The following CBLB variants were observed in gnomAD, a reference collection of about 807,000 sequenced individuals.
CBLB encodes Cbl proto-oncogene B, also known as E3 ubiquitin-protein ligase CBL-B.
Under a neutral mutation model 104.9 loss-of-function variants are expected in CBLB, and 31 were observed. The observed-to-expected ratio is 0.30, with a 90% CI of 0.22 to 0.40. The LOEUF (loss-of-function observed/expected upper bound fraction) is 0.40. Among genes scored for constraint, CBLB ranks in the 10% least tolerant of loss-of-function variants. The probability of loss-of-function intolerance (pLI) is 1.00; values close to 1 mark genes in which losing one functional copy is unlikely to be tolerated. For synonymous variants in CBLB, 440 were observed against 422.6 expected (o/e 1.04, Z -0.51); for missense variants, 1,062 against 1,214.6 (o/e 0.87, Z 1.87).
Position 105,829,666 on chromosome 3 carries a change from C to CAAA in CBLB, c.419+23745_419+23747dup, listed in dbSNP as rs71627689. Among the ~76,000 whole-genome samples, 21 of 47,022 alleles carry CAAA rather than the reference C, an allele frequency of 4.5e-4. 1 individual carries two copies. Among genetic ancestry groups the CAAA allele is most frequent in the East Asian group, 2.6e-3 (3 of 1,140 alleles). 30.8% of individuals were successfully genotyped at this position (47,022 alleles called of 152,430 possible). On this transcript the variant is annotated intron_variant, in intron 3 of 18. Coordinates refer to ENST00000394030, the MANE Select transcript of CBLB (RefSeq NM_170662.5). ...CCAGAGCGACACAGCAAGACCGTCC[C>CAAA]AAAAAAAAAAAAAAAAAAAAAAAAA...
At chr3:105,692,364 G>A (rs1038089265) in intron 13 of CBLB, among the ~76,000 whole-genome samples, 1 of 152,122 alleles carries the variant, frequency 6.6e-6, no homozygotes, top group Non-Finnish European at 1.5e-5. Context: ...TTAGAAAACA[G>A]TATGGCAGAG....
intron 3 of CBLB, among the ~76,000 whole-genome samples, chr3:105,793,051 T>C (rs545487690): frequency 6.6e-6 from 1 of 152,268 alleles, no homozygotes; most frequent in African/African-American, 2.4e-5. Flanking sequence ...CCTCCCCTGA[T>C]TGCTTCCACC....
intron 2 of CBLB, among the ~76,000 whole-genome samples, chr3:105,855,301 T>A (rs914244813): frequency 6.6e-6 from 1 of 152,016 alleles, no homozygotes; most frequent in African/African-American, 2.4e-5. Flanking sequence ...GAGTACAAAT[T>A]TGAAGTTATG....
chr3:105,696,634 T>A (rs2068423433), intron 12 of CBLB, among the ~76,000 whole-genome samples: 1 of 151,910 alleles, frequency 6.6e-6, no homozygotes, highest in Non-Finnish European at 1.5e-5. Flanking sequence ...GCTCACTGTC[T>A]GAAATCTATC....
intron 3 of CBLB, among the ~76,000 whole-genome samples, chr3:105,778,114 A>T (rs78814015): frequency 1.3e-4 from 20 of 150,814 alleles, no homozygotes; most frequent in Non-Finnish European, 2.1e-4. Flanking sequence ...AGAGAGAGAG[A>T]GTGTGTGTGT....
In CBLB at chr3:105,658,995, G is replaced by A; in HGVS notation, c.2924C>T (p.Pro975Leu). Residue 975 changes from proline to leucine, a missense_variant, in exon 19 of 19, where the codon CCA (proline) becomes CTA (leucine). This residue lies in a region of CBLB where 605 missense variants were observed against 582.6 expected (regional missense o/e 1.04). Coordinates refer to ENST00000394030, the MANE Select transcript of CBLB (RefSeq NM_170662.5). Reference sequence around the variant, plus strand: ...CTATAGATTTAGACGTGGGGATACTGGAGGAGGGAAGGCAAATTCTCGGAG... The same window carrying A: ...CTATAGATTTAGACGTGGGGATACTAGAGGAGGGAAGGCAAATTCTCGGAG... Reference protein sequence around the residue: ...SILREFAFPPPVSPRLNL With the variant: ...SILREFAFPPLVSPRLNL The A allele has an allele frequency of 1.2e-6, 2 of 1,613,904 alleles. No homozygotes were observed. Among genetic ancestry groups the A allele is most frequent in the Non-Finnish European group, 1.7e-6 (2 of 1,179,878 alleles).
At position 105,741,095 on chromosome 3, in the gene CBLB, G is replaced by GTTTTTTT. The variant is rs66493673; in HGVS notation, c.846-471_846-465dup. On this transcript the variant is annotated intron_variant, in intron 6 of 18. Coordinates refer to ENST00000394030, the MANE Select transcript of CBLB (RefSeq NM_170662.5). ...TTGTAATTTAGACATAAAAATTAGG[G>GTTTTTTT]TTTTTTTTTTTTTTTTTTTTTTGAG... 1.5e-4 allele frequency among the ~76,000 whole-genome samples: 16 copies of GTTTTTTT among 108,198 alleles called. 1 individual carries two copies. Among genetic ancestry groups the GTTTTTTT allele is most frequent in the South Asian group, 6.7e-4 (2 of 2,972 alleles). The allele number at this position is 108,198 out of a possible 152,430, so 71.0% of individuals were successfully genotyped here. A position where few individuals can be genotyped will look rare whatever the true frequency, so the allele number is the denominator to read the frequency against.
At chr3:105,832,437 T>C (rs1210215436) in intron 3 of CBLB, among the ~76,000 whole-genome samples, 1 of 152,236 alleles carries the variant, frequency 6.6e-6, no homozygotes, top group Non-Finnish European at 1.5e-5. Context: ...AGATTCTAGA[T>C]GCTGATTCTA....
chr3:105,842,545 C>T (rs759821028), intron 3 of CBLB, among the ~76,000 whole-genome samples: 8 of 152,130 alleles, frequency 5.3e-5, no homozygotes, highest in Admixed American at 1.3e-4. Flanking sequence ...TATACCGCTA[C>T]CTTTGTAACC....
In CBLB at chr3:105,722,038, A is replaced by C. The variant is rs548961892; in HGVS notation, c.1204-1788T>G. Among the ~76,000 whole-genome samples the C allele has an allele frequency of 1.9e-4, 29 of 152,026 alleles. No individual in the cohort carries two copies. In the South Asian group the frequency reaches 5.4e-3, roughly 28 times the overall value. On this transcript the variant is annotated intron_variant, in intron 9 of 18. Transcript: ENST00000394030. Reference sequence around the variant, plus strand: ...CAAGACCTTGTCTCTATAAAAAATAAATGTTTAAAAAATTAGCCAGGTGTT... The same window carrying C: ...CAAGACCTTGTCTCTATAAAAAATACATGTTTAAAAAATTAGCCAGGTGTT...
chr3:105,766,085 T>C (rs1327258265), intron 4 of CBLB, among the ~76,000 whole-genome samples: 1 of 152,200 alleles, frequency 6.6e-6, no homozygotes, highest in Admixed American at 6.5e-5. Flanking sequence ...CCAAATCTCA[T>C]GGATGACTCT....
Position 105,720,122 on chromosome 3 carries a change from C to T in CBLB, c.1332G>A (p.Met444Ile). The T allele has an allele frequency of 6.2e-7, 1 of 1,614,006 alleles. No homozygotes were observed. The highest frequency in any genetic ancestry group is 8.5e-7 in the Non-Finnish European group (1 of 1,179,948). ...CATCGTCGTCCAAGTCTAGCATCGG[C>T]ATGCCAAAGGGGTCAATGATGCTGC... ...RCCSIIDPFGMPMLDLDDDDD... is the reference protein window; with the variant it reads ...RCCSIIDPFGIPMLDLDDDDD... Residue 444 changes from methionine (M) to isoleucine (I), a missense_variant, in exon 10 of 19, where the codon ATG (methionine) becomes ATA (isoleucine). Around this residue, in one of 2 missense-constraint regions of CBLB, gnomAD observed 457 missense variants for 632.0 expected, o/e 0.72. Transcript: ENST00000394030.
chr3:105,834,775 G>A (rs1422551455), intron 3 of CBLB, among the ~76,000 whole-genome samples: 5 of 152,138 alleles, frequency 3.3e-5, no homozygotes, highest in African/African-American at 7.2e-5. Flanking sequence ...TGAAGGACTA[G>A]GTTAAACTCC....
At chr3:105,816,211 G>T in intron 3 of CBLB, among the ~76,000 whole-genome samples, 1 of 147,614 alleles carries the variant, frequency 6.8e-6, no homozygotes, top group Admixed American at 6.7e-5. Context: ...TTTTAAAAAA[G>T]AAAAAAAAAA....
At chr3:105,795,170 C>T (rs1577259229) in intron 3 of CBLB, among the ~76,000 whole-genome samples, 1 of 152,062 alleles carries the variant, frequency 6.6e-6, no homozygotes, top group African/African-American at 2.4e-5. Flanking sequence ...ACTCGGCCTC[C>T]GAAAGTGCTG....
At chr3:105,685,773 T>C (rs2066927845) in intron 13 of CBLB, among the ~76,000 whole-genome samples, 1 of 152,208 alleles carries the variant, frequency 6.6e-6, no homozygotes, top group African/African-American at 2.4e-5. Context: ...TGTACAAATT[T>C]ATTCAAACCA....
intron 2 of CBLB, among the ~76,000 whole-genome samples, chr3:105,858,962 T>C (rs1053143973): frequency 2.0e-5 from 3 of 152,194 alleles, no homozygotes; most frequent in Admixed American, 6.5e-5. Flanking sequence ...TACATAAATA[T>C]GTATTTAGAT....
intron 2 of CBLB, among the ~76,000 whole-genome samples, chr3:105,862,236 C>G (rs1398210528): frequency 6.6e-6 from 1 of 152,186 alleles, no homozygotes; most frequent in East Asian, 1.9e-4. Context: ...GTTTCTACTT[C>G]TCTCTTGAAC....
chr3:105,661,619 C>T (rs1192005928), intron 18 of CBLB, among the ~76,000 whole-genome samples: 8 of 152,118 alleles, frequency 5.3e-5, no homozygotes, highest in Non-Finnish European at 7.4e-5. Flanking sequence ...GAGATGTGCA[C>T]ATGAATGCCA....
Sources: gnomAD v4.1 joint callset for allele counts (sites outside exome capture counted in the v4.1 genomes callset) on GRCh38, gnomAD v4.1.1 for gene constraint, gnomAD v4.1.1 regional missense constraint, MANE v1.5 for transcripts, NCBI Gene and HGNC (gene_info 2026-07-23, HGNC 2026-07-21) for gene names.